Variants in CARMIL1 observed in about 807,000 individuals in gnomAD.
CARMIL1 encodes the protein F-actin-uncapping protein LRRC16A.
A neutral mutation model predicts 177.1 loss-of-function variants in CARMIL1; 90 were observed. That is an observed-to-expected ratio of 0.51 (90% CI 0.43 to 0.61). CARMIL1 has a LOEUF of 0.61. Ranked by LOEUF, CARMIL1 falls within the 20% of genes least tolerant of loss-of-function variation. The probability of loss-of-function intolerance (pLI) is 0.00; values close to 1 mark genes in which losing one functional copy is unlikely to be tolerated. For synonymous variants in CARMIL1, 577 were observed against 606.2 expected, an observed-to-expected ratio of 0.95 and a Z score of 0.71; for missense variants, 1,380 against 1,667.0, an observed-to-expected ratio of 0.83 and a Z score of 3.00.
At chr6:25,417,037 G>C (rs1795412587) in intron 2 of CARMIL1, among the ~76,000 whole-genome samples, 1 of 152,132 alleles carries the variant, frequency 6.6e-6, no homozygotes, top group Non-Finnish European at 1.5e-5. Flanking sequence ...CCATGCTTAT[G>C]ATCATGGTTG....
In CARMIL1 at chr6:25,450,125, A is replaced by G. The variant is rs1413435085; in HGVS notation, c.469+130A>G. The G allele has an allele frequency of 4.9e-6, 4 of 817,250 alleles. No individual in the cohort carries two copies. The East Asian group carries it at 1.1e-4, about 22-fold the overall frequency. The allele number at this position is 817,250 out of a possible 1,614,324, so 50.6% of individuals were successfully genotyped here. On this transcript the variant is annotated intron_variant, in intron 6 of 36. Transcript: ENST00000329474. ...TCAAGGTGTAATTAGCAGCGCACAGACTTTAGATTGGTGGACAAAAGTCCT... is the reference window on the plus strand; with the variant it reads ...TCAAGGTGTAATTAGCAGCGCACAGGCTTTAGATTGGTGGACAAAAGTCCT...
chr6:25,487,315 A>C (rs1285224857), intron 12 of CARMIL1, among the ~76,000 whole-genome samples: 1 of 152,158 alleles, frequency 6.6e-6, no homozygotes, highest in Non-Finnish European at 1.5e-5. Flanking sequence ...ACTGGCTCTT[A>C]CTGGCAGACC....
At chr6:25,399,340 G>A (rs1484517837) in intron 2 of CARMIL1, among the ~76,000 whole-genome samples, 4 of 152,184 alleles carry the variant, frequency 2.6e-5, no homozygotes, top group Non-Finnish European at 5.9e-5. Flanking sequence ...CCCAGGTGAG[G>A]ATGCAACCCT....
Position 25,290,343 on chromosome 6 carries a change from C to T in CARMIL1, c.138+5434C>T, listed in dbSNP as rs376204268. On this transcript the variant is annotated intron_variant, in intron 2 of 36. Coordinates refer to ENST00000329474, the MANE Select transcript of CARMIL1 (RefSeq NM_017640.6). Reference sequence around the variant, plus strand: ...CTCCTGGGTTCAAGCAAGCTTTCTGCCTTGGCCTCCCAAAGTGCTGGGATT... The same window carrying T: ...CTCCTGGGTTCAAGCAAGCTTTCTGTCTTGGCCTCCCAAAGTGCTGGGATT... 1.7e-4 allele frequency among the ~76,000 whole-genome samples: 25 copies of T among 151,494 alleles called. No homozygotes were observed. The South Asian group carries it at 4.8e-3, about 29-fold the overall frequency.
At chr6:25,398,922 T>C (rs898127094) in intron 2 of CARMIL1, among the ~76,000 whole-genome samples, 1 of 152,204 alleles carries the variant, frequency 6.6e-6, no homozygotes, top group African/African-American at 2.4e-5. Flanking sequence ...GTTAAATTGT[T>C]ATAAACCTCT....
intron 8 of CARMIL1, among the ~76,000 whole-genome samples, chr6:25,461,110 C>T (rs764850179): frequency 6.6e-6 from 1 of 152,162 alleles, no homozygotes; most frequent in Admixed American, 6.5e-5. Flanking sequence ...TACTATTTTG[C>T]ATTGGCCCTT....
At chr6:25,501,086 A>G (rs1271551994) in intron 17 of CARMIL1, among the ~76,000 whole-genome samples, 1 of 152,080 alleles carries the variant, frequency 6.6e-6, no homozygotes, top group Non-Finnish European at 1.5e-5. Context: ...TTTACAGGGC[A>G]CCTAGACTTT....
intron 29 of CARMIL1, among the ~76,000 whole-genome samples, chr6:25,565,467 C>T (rs1023172586): frequency 2.0e-5 from 3 of 152,230 alleles, no homozygotes; most frequent in Non-Finnish European, 4.4e-5. Context: ...CAGGTACGCT[C>T]ACCAGACTGC....
At chr6:25,390,320 A>ATATATTTTT (rs1554184839) in intron 2 of CARMIL1, among the ~76,000 whole-genome samples, 2 of 58,104 alleles carry the variant, frequency 3.4e-5, no homozygotes, top group African/African-American at 6.2e-5. Flanking sequence ...ATATATATAT[A>ATATATTTTT]TTTTTTTTTT....
At chr6:25,548,340 AACTTAGC>A (rs1809726002) in intron 26 of CARMIL1, among the ~76,000 whole-genome samples, 1 of 152,154 alleles carries the variant, frequency 6.6e-6, no homozygotes, top group African/African-American at 2.4e-5. Flanking sequence ...CACAGTAAAG[AACTTAGC>A]AAGAAAGGCT....
chr6:25,465,188 C>G (rs975165952), intron 8 of CARMIL1, among the ~76,000 whole-genome samples: 1 of 151,920 alleles, frequency 6.6e-6, no homozygotes, highest in African/African-American at 2.4e-5. Flanking sequence ...ATATGAACTC[C>G]TCTGACTAGA....
At chr6:25,296,966 A>G (rs1782453870) in intron 2 of CARMIL1, among the ~76,000 whole-genome samples, 1 of 151,246 alleles carries the variant, frequency 6.6e-6, no homozygotes, top group Non-Finnish European at 1.5e-5. Context: ...TAACTAACTA[A>G]AGCATTTTAA....
rs371809626 is a variant in CARMIL1 at position 25,607,071 on chromosome 6, C to T, written c.3847+798C>T. ...GCTGAGGTGGGAGGATAACTTGAGC[C>T]TAGGAATTTAGGCTGTGATCACACT... On this transcript the variant is annotated intron_variant, in intron 35 of 36. Coordinates refer to ENST00000329474, the MANE Select transcript of CARMIL1 (RefSeq NM_017640.6). Among the ~76,000 whole-genome samples the T allele has an allele frequency of 3.8e-4, 58 of 152,022 alleles. 1 individual carries two copies. In the East Asian group the frequency reaches 0.011, roughly 28 times the overall value.
chr6:25,306,200 G>T (rs1783243904), intron 2 of CARMIL1, among the ~76,000 whole-genome samples: 2 of 152,006 alleles, frequency 1.3e-5, no homozygotes, highest in African/African-American at 4.8e-5. Flanking sequence ...GTGGCCTTTT[G>T]TGTCTGGCTT....
chr6:25,349,137 C>T (rs150451569), intron 2 of CARMIL1, among the ~76,000 whole-genome samples: 2 of 152,280 alleles, frequency 1.3e-5, no homozygotes, highest in African/African-American at 4.8e-5. Context: ...GCAGGCAGGG[C>T]GCAAGGTGGG....
At chr6:25,459,127 G>T (rs1417930582) in intron 8 of CARMIL1, among the ~76,000 whole-genome samples, 2 of 151,612 alleles carry the variant, frequency 1.3e-5, no homozygotes, top group East Asian at 2.0e-4. Flanking sequence ...AGATATAAGA[G>T]AAAAACTTGA....
chr6:25,384,628 TATTTTTAG>T (rs2150502849), intron 2 of CARMIL1, among the ~76,000 whole-genome samples: 1 of 152,366 alleles, frequency 6.6e-6, no homozygotes, highest in African/African-American at 2.4e-5. Flanking sequence ...CAAACATTGC[TATTTTTAG>T]ATTTGCTTTC....
At chr6:25,344,240 A>G (rs550127087) in intron 2 of CARMIL1, among the ~76,000 whole-genome samples, 1 of 152,174 alleles carries the variant, frequency 6.6e-6, no homozygotes, top group African/African-American at 2.4e-5. Context: ...CAACCTCAAT[A>G]GTCCATTGAT....
At chr6:25,353,017 C>T (rs1282702941) in intron 2 of CARMIL1, among the ~76,000 whole-genome samples, 1 of 152,124 alleles carries the variant, frequency 6.6e-6, no homozygotes, top group East Asian at 1.9e-4. Flanking sequence ...CTCCTGCCGC[C>T]CTGCCTGGAT....
Sources: allele counts gnomAD v4.1 joint callset (sites outside exome capture counted in the v4.1 genomes callset), GRCh38; gene constraint gnomAD v4.1.1; transcripts MANE v1.5; gene names NCBI Gene and HGNC (gene_info 2026-07-23, HGNC 2026-07-21).